CUL3: variants seen among roughly 807,000 people sequenced by gnomAD.
CUL3 encodes cullin 3.
Under a neutral mutation model 89.1 loss-of-function variants are expected in CUL3, and 19 were observed. The ratio of observed to expected loss-of-function variants is 0.21; its 90% CI spans 0.15 to 0.31. The LOEUF is 0.31. CUL3 is among the 10% of genes least tolerant of loss of function. The probability of loss-of-function intolerance (pLI) is 1.00; values close to 1 mark genes in which losing one functional copy is unlikely to be tolerated. For missense variants in CUL3, 469 were observed against 942.3 expected (o/e 0.50, Z 6.58); for synonymous variants, 351 against 308.4 (o/e 1.14, Z -1.45).
At chr2:224,488,422 G>A (rs1691826058) in intron 13 of CUL3, among the ~76,000 whole-genome samples, 1 of 151,996 alleles carries the variant, frequency 6.6e-6, no homozygotes, top group Admixed American at 6.6e-5. Flanking sequence ...AATAAAAAAC[G>A]ATAAAGTGGA....
intron 13 of CUL3, among the ~76,000 whole-genome samples, chr2:224,493,630 C>T (rs956321925): frequency 3.3e-5 from 5 of 152,190 alleles, no homozygotes; most frequent in Non-Finnish European, 7.4e-5. Context: ...AAAGCTTGAA[C>T]CACTAAATTT....
At chr2:224,567,585 A>C (rs1695074077) in intron 1 of CUL3, among the ~76,000 whole-genome samples, 1 of 151,844 alleles carries the variant, frequency 6.6e-6, no homozygotes, top group African/African-American at 2.4e-5. Context: ...TAAAAATACA[A>C]AAAAATTAGC....
chr2:224,545,948 T>C (rs1694276218), intron 2 of CUL3, among the ~76,000 whole-genome samples: 1 of 152,190 alleles, frequency 6.6e-6, no homozygotes, highest in Admixed American at 6.5e-5. Context: ...GCATTCTTAG[T>C]TCAAATATGC....
intron 1 of CUL3, among the ~76,000 whole-genome samples, chr2:224,583,724 T>C (rs1402908541): frequency 1.3e-5 from 2 of 152,250 alleles, no homozygotes; most frequent in Non-Finnish European, 1.5e-5. Flanking sequence ...TCCTTTTAAA[T>C]TTTAGGAATT....
rs959939189 is a variant in CUL3, at chr2:224,470,207, G to A, written c.*4038C>T. ...TGCAATAAATCTTGTATGCAATAAA[G>A]TTTATTAGTTGAACTGTCCTGTTAT... On this transcript the variant is annotated 3_prime_UTR_variant, in exon 16 of 16. Coordinates refer to ENST00000264414, the MANE Select transcript of CUL3 (RefSeq NM_003590.5). 4.9e-6 allele frequency: 1 copy of A among 205,582 alleles called. No individual in the cohort carries two copies. The highest frequency in any genetic ancestry group is 2.3e-5 in the African/African-American group (1 of 43,796). 12.7% of individuals were successfully genotyped at this position (205,582 alleles called of 1,614,324 possible).
At chr2:224,514,487 T>C (rs1388344086) in intron 4 of CUL3, 125 bp downstream of exon 4, 5 of 742,164 alleles carry the variant, frequency 6.7e-6, no homozygotes, top group Non-Finnish European at 1.0e-5. Context: ...ACTAAGTTTC[T>C]GAGGATTTTC....
At chr2:224,531,449 T>C (rs1382234404) in intron 3 of CUL3, among the ~76,000 whole-genome samples, 1 of 150,866 alleles carries the variant, frequency 6.6e-6, no homozygotes, top group Non-Finnish European at 1.5e-5. Context: ...AAAAAAAACA[T>C]ACAATATAAC....
At chr2:224,536,148 T>C (rs1693889757) in intron 2 of CUL3, among the ~76,000 whole-genome samples, 1 of 152,060 alleles carries the variant, frequency 6.6e-6, no homozygotes. Context: ...GCATTCTTCT[T>C]GTAGGATTGT....
Sources: allele counts gnomAD v4.1 joint callset (sites outside exome capture counted in the v4.1 genomes callset), GRCh38; gene constraint gnomAD v4.1.1; transcripts MANE v1.5; gene names NCBI Gene and HGNC (gene_info 2026-07-23, HGNC 2026-07-21).